Variants in PRKN observed in about 807,000 individuals in gnomAD.
PRKN encodes the protein parkin RBR E3 ubiquitin protein ligase, also known as E3 ubiquitin-protein ligase parkin.
In PRKN, 56 loss-of-function variants were observed where a neutral mutation model predicts 59.5. That is an observed-to-expected ratio of 0.94 (90% CI 0.76 to 1.18). The LOEUF is 1.18. Ranked by LOEUF, PRKN falls within the 50% of genes most tolerant of loss-of-function variation. The pLI, the probability that PRKN is intolerant of heterozygous loss-of-function variation, is 0.00. For missense variants in PRKN, 657 were observed against 596.4 expected (o/e 1.10, Z -1.06); for synonymous variants, 250 against 222.1 (o/e 1.13, Z -1.12).
intron 7 of PRKN, among the ~76,000 whole-genome samples, chr6:161,669,155 C>T (rs1202200939): frequency 1.3e-5 from 2 of 152,128 alleles, no homozygotes; most frequent in East Asian, 1.9e-4. Flanking sequence ...CCTTTACAAA[C>T]AAGGAAGTGG....
intron 2 of PRKN, among the ~76,000 whole-genome samples, chr6:162,396,470 G>A (rs1349690107): frequency 6.6e-6 from 1 of 151,986 alleles, no homozygotes; most frequent in Non-Finnish European, 1.5e-5. Flanking sequence ...AGCATAAGAC[G>A]CCAACTCTTC....
At chr6:162,324,889 C>A (rs1047266029) in intron 2 of PRKN, among the ~76,000 whole-genome samples, 3 of 151,868 alleles carry the variant, frequency 2.0e-5, no homozygotes, top group Admixed American at 1.3e-4. Flanking sequence ...GTGTCCTAAA[C>A]TAGTGAGTAT....
intron 6 of PRKN, among the ~76,000 whole-genome samples, chr6:161,897,284 C>T (rs1312996195): frequency 6.6e-6 from 1 of 152,204 alleles, no homozygotes; most frequent in Non-Finnish European, 1.5e-5. Flanking sequence ...ACATCACATG[C>T]TATGAGAGCA....
intron 5 of PRKN, among the ~76,000 whole-genome samples, chr6:162,007,853 G>T (rs145821664): frequency 1.3e-5 from 2 of 152,176 alleles, no homozygotes; most frequent in South Asian, 4.1e-4. Flanking sequence ...TAAAAAGCCA[G>T]AATCAATATA....
chr6:162,573,198 C>T (rs1780420828), intron 1 of PRKN, among the ~76,000 whole-genome samples: 1 of 152,112 alleles, frequency 6.6e-6, no homozygotes, highest in Non-Finnish European at 1.5e-5. Flanking sequence ...ATCACTCATT[C>T]CAATGGGTGA....
At chr6:161,810,413 A>G (rs1415130313) in intron 6 of PRKN, among the ~76,000 whole-genome samples, 1 of 152,100 alleles carries the variant, frequency 6.6e-6, no homozygotes, top group African/African-American at 2.4e-5. Context: ...GTCTAAGAAA[A>G]CTCTTGAATG....
chr6:161,636,066 C>A (rs1202017812), intron 7 of PRKN, among the ~76,000 whole-genome samples: 1 of 152,158 alleles, frequency 6.6e-6, no homozygotes, highest in Non-Finnish European at 1.5e-5. Context: ...ATGAGTCTCC[C>A]ATCTCGAGTC....
At chr6:161,910,582 A>G (rs1166692537) in intron 6 of PRKN, among the ~76,000 whole-genome samples, 5 of 152,194 alleles carry the variant, frequency 3.3e-5, no homozygotes, top group Non-Finnish European at 7.3e-5. Flanking sequence ...ACTTGTAGTT[A>G]GTTGATAAAG....
chr6:162,115,414 G>A (rs1204285721), intron 4 of PRKN, among the ~76,000 whole-genome samples: 2 of 151,982 alleles, frequency 1.3e-5, no homozygotes, highest in Non-Finnish European at 2.9e-5. Context: ...GTTAGTGGGT[G>A]CAGCGCACCA....
chr6:162,350,931 G>A (rs928792910), intron 2 of PRKN, among the ~76,000 whole-genome samples: 2 of 152,192 alleles, frequency 1.3e-5, no homozygotes, highest in Non-Finnish European at 1.5e-5. Context: ...CTGATAAAGA[G>A]GACTTATGTC....
intron 9 of PRKN, among the ~76,000 whole-genome samples, chr6:161,519,751 A>G (rs538897006): frequency 2.0e-5 from 3 of 152,358 alleles, no homozygotes; most frequent in African/African-American, 7.2e-5. Flanking sequence ...TTTTACATTT[A>G]GCCATCATCT....
intron 2 of PRKN, among the ~76,000 whole-genome samples, chr6:162,356,173 G>C (rs1474920039): frequency 6.6e-6 from 1 of 151,976 alleles, no homozygotes; most frequent in South Asian, 2.1e-4. Context: ...TTCTACCCTT[G>C]GTCACTACTA....
intron 1 of PRKN, among the ~76,000 whole-genome samples, chr6:162,666,032 C>G (rs554442953): frequency 1.3e-5 from 2 of 152,114 alleles, no homozygotes; most frequent in East Asian, 3.9e-4. Flanking sequence ...AAAATTAATT[C>G]GATTGATTAA....
chr6:161,551,962 C>T lies in PRKN; in HGVS notation c.934-2959G>A, dbSNP rs1780035198. On this transcript the variant is annotated intron_variant, in intron 8 of 11. Coordinates refer to ENST00000366898, the MANE Select transcript of PRKN (RefSeq NM_004562.3). The surrounding 1 kb of genome is among the most constrained non-coding windows in gnomAD (Gnocchi z 5.2). ...CAGCCATCCTTAGGAAGAGGAGGCC[C>T]GGCTGAGTGCTTAGGCCCAGGTGCA... Among the ~76,000 whole-genome samples the T allele has an allele frequency of 6.6e-6, 1 of 151,998 alleles. No homozygotes were observed. The highest frequency in any genetic ancestry group is 1.5e-5 in the Non-Finnish European group (1 of 68,008).
At chr6:161,917,491 T>C (rs1778614340) in intron 6 of PRKN, among the ~76,000 whole-genome samples, 1 of 152,218 alleles carries the variant, frequency 6.6e-6, no homozygotes, top group African/African-American at 2.4e-5. Flanking sequence ...AAAAGCAATT[T>C]TGGCATTAAT....
At chr6:162,410,495 G>GC (rs1788302288) in intron 2 of PRKN, among the ~76,000 whole-genome samples, 1 of 152,082 alleles carries the variant, frequency 6.6e-6, no homozygotes, top group East Asian at 1.9e-4. Context: ...TTCCAATTTC[G>GC]CTCGACTGAA....
intron 4 of PRKN, among the ~76,000 whole-genome samples, chr6:162,179,872 T>A (rs1463778251): frequency 6.6e-6 from 1 of 151,706 alleles, no homozygotes; most frequent in Admixed American, 6.6e-5. Context: ...CGTGTGAAAC[T>A]TAAATATCTA....
chr6:162,264,434 C>T (rs1177368556), intron 2 of PRKN, among the ~76,000 whole-genome samples: 21 of 152,074 alleles, frequency 1.4e-4, no homozygotes, highest in Admixed American at 1.4e-3. Context: ...CTTTCTCAAG[C>T]TCTTCTGTTG....
At chr6:162,136,850 T>C (rs915528722) in intron 4 of PRKN, among the ~76,000 whole-genome samples, 2 of 152,176 alleles carry the variant, frequency 1.3e-5, no homozygotes, top group African/African-American at 2.4e-5. Context: ...AAGGGAAATG[T>C]AGAGGAGGCC....
Sources: allele counts gnomAD v4.1 joint callset (sites outside exome capture counted in the v4.1 genomes callset), GRCh38; gene constraint gnomAD v4.1.1; non-coding constraint Gnocchi (gnomAD v3.1); transcripts MANE v1.5; gene names NCBI Gene and HGNC (gene_info 2026-07-23, HGNC 2026-07-21).